Variants in RARB observed in about 807,000 individuals in gnomAD.
RARB encodes the protein HBV-activated protein.
In RARB, 17 loss-of-function variants were observed where a neutral mutation model predicts 51.9. The observed-to-expected ratio is 0.33, with a 90% confidence interval of 0.22 to 0.49. The LOEUF is 0.49. Among genes scored for constraint, RARB ranks in the 20% least tolerant of loss-of-function variants. The pLI is 0.99. For missense variants in RARB, 369 were observed against 550.8 expected, an observed-to-expected ratio of 0.67 and a Z score of 3.30; for synonymous variants, 215 against 195.4, an observed-to-expected ratio of 1.10 and a Z score of -0.84.
At chr3:25,057,857 T>C (rs575897538) in intron 2 of RARB, among the ~76,000 whole-genome samples, 2 of 152,106 alleles carry the variant, frequency 1.3e-5, no homozygotes, top group South Asian at 2.1e-4. Flanking sequence ...AATAAAGTCT[T>C]CTAAAAGAGC....
intron 5 of RARB, among the ~76,000 whole-genome samples, chr3:25,226,075 T>C (rs1402090473): frequency 6.6e-6 from 1 of 152,214 alleles, no homozygotes; most frequent in East Asian, 1.9e-4. Flanking sequence ...AAACTGCCCA[T>C]ATAAAAATTC....
At chr3:24,982,398 C>A (rs561430740) in intron 2 of RARB, among the ~76,000 whole-genome samples, 5 of 152,200 alleles carry the variant, frequency 3.3e-5, no homozygotes, top group African/African-American at 1.2e-4. Flanking sequence ...AGAGTGGAAC[C>A]ACAGCTGGTT....
intron 2 of RARB, among the ~76,000 whole-genome samples, chr3:24,950,984 C>G (rs766398006): frequency 2.6e-5 from 4 of 152,120 alleles, no homozygotes; most frequent in African/African-American, 4.8e-5. Flanking sequence ...TGTCACCAAA[C>G]CCAGTTGCAG....
Position 25,197,751 on chromosome 3 carries a change from T to TA in RARB, c.178+23183dup, listed in dbSNP as rs533403699. On this transcript the variant is annotated intron_variant, in intron 5 of 11. Coordinates refer to the RARB transcript ENST00000383772. ...CAAAGAAATGAAATATCTCTACAAT[T>TA]AAAAAAATGGATGTAATAAGTTGAA... is the stretch of plus-strand genomic sequence containing the variant. 5.3e-5 allele frequency among the ~76,000 whole-genome samples: 8 copies of TA among 151,620 alleles called. No individual in the cohort carries two copies. In the South Asian group the frequency reaches 8.4e-4, roughly 16 times the overall value.
At chr3:25,410,944 A>G (rs1707546268) in intron 5 of RARB, among the ~76,000 whole-genome samples, 2 of 152,370 alleles carry the variant, frequency 1.3e-5, no homozygotes, top group Admixed American at 6.5e-5. Context: ...TAAGAAGTCT[A>G]GGAAGTTAAA....
intron 2 of RARB, among the ~76,000 whole-genome samples, chr3:25,042,035 G>A (rs935344019): frequency 2.0e-5 from 3 of 152,166 alleles, no homozygotes; most frequent in South Asian, 2.1e-4. Flanking sequence ...TAATAACATC[G>A]GGAGTGGAAG....
chr3:25,335,807 T>A (rs1159775303), intron 5 of RARB, among the ~76,000 whole-genome samples: 1 of 152,210 alleles, frequency 6.6e-6, no homozygotes, highest in Non-Finnish European at 1.5e-5. Flanking sequence ...CTTGTACTGA[T>A]ATTTTGTCAC....
At chr3:25,346,263 G>C (rs12496365) in intron 5 of RARB, among the ~76,000 whole-genome samples, 28,244 of 152,062 alleles carry the variant, frequency 0.19, 3,363 homozygotes, top group Admixed American at 0.31. Flanking sequence ...ACATCCTCTA[G>C]CTTGGTTGCC....
At chr3:25,219,069 T>A (rs1199053317) in intron 5 of RARB, among the ~76,000 whole-genome samples, 2 of 152,208 alleles carry the variant, frequency 1.3e-5, no homozygotes, top group Non-Finnish European at 2.9e-5. Flanking sequence ...TATAAGTATT[T>A]ATTTAGCATC....
intron 1 of RARB, among the ~76,000 whole-genome samples, chr3:25,432,150 A>G (rs2125517073): frequency 6.6e-6 from 1 of 152,316 alleles, no homozygotes; most frequent in Admixed American, 6.5e-5. Flanking sequence ...GAGTACAGGC[A>G]GGGTTGTGGG....
intron 5 of RARB, among the ~76,000 whole-genome samples, chr3:25,375,291 C>G (rs1415894335): frequency 6.6e-6 from 1 of 152,178 alleles, no homozygotes; most frequent in African/African-American, 2.4e-5. Context: ...CACCCTGTCA[C>G]TAGGGCTGAA....
intron 2 of RARB, among the ~76,000 whole-genome samples, chr3:25,040,390 T>G (rs9866836): frequency 0.17 from 25,162 of 152,098 alleles, 2,218 homozygotes; most frequent in South Asian, 0.31. Context: ...TATGGTTTCT[T>G]TTACATTATG....
intron 5 of RARB, among the ~76,000 whole-genome samples, chr3:25,220,638 C>A (rs1000046103): frequency 3.9e-5 from 6 of 152,176 alleles, no homozygotes; most frequent in Non-Finnish European, 7.4e-5. Context: ...TGCATTCATT[C>A]TTTCACCTGC....
intron 1 of RARB, among the ~76,000 whole-genome samples, chr3:25,436,144 T>A (rs568926178): frequency 6.6e-6 from 1 of 152,350 alleles, no homozygotes; most frequent in East Asian, 1.9e-4. Flanking sequence ...TGAGCACCTT[T>A]CTTTCGCTCT....
chr3:25,147,733 A>T (rs1700217556), intron 4 of RARB, among the ~76,000 whole-genome samples: 1 of 152,228 alleles, frequency 6.6e-6, no homozygotes, highest in Non-Finnish European at 1.5e-5. Context: ...TCTACTGAAG[A>T]AGCTAGAAAA....
At chr3:25,430,677 C>G (rs896205048) in intron 1 of RARB, among the ~76,000 whole-genome samples, 1 of 152,044 alleles carries the variant, frequency 6.6e-6, no homozygotes, top group Non-Finnish European at 1.5e-5. Context: ...TAAAACTACC[C>G]GATAAGCAAG....
intron 2 of RARB, among the ~76,000 whole-genome samples, chr3:24,978,305 T>A (rs1053290023): frequency 2.0e-5 from 3 of 152,154 alleles, no homozygotes; most frequent in Non-Finnish European, 4.4e-5. Context: ...TTTTCTGTTG[T>A]TTGGAATAGT....
chr3:25,379,042 A>G (rs1195375589), intron 5 of RARB, among the ~76,000 whole-genome samples: 4 of 152,246 alleles, frequency 2.6e-5, no homozygotes, highest in African/African-American at 7.2e-5. Flanking sequence ...ACTCGGCAAC[A>G]GCCAGCTTCT....
intron 1 of RARB, among the ~76,000 whole-genome samples, chr3:24,840,379 G>T (rs1459434143): frequency 6.6e-6 from 1 of 152,160 alleles, no homozygotes; most frequent in Admixed American, 6.5e-5. Context: ...ATCCTCCATT[G>T]CTTCTCTGTC....
Sources: allele counts gnomAD v4.1 joint callset (sites outside exome capture counted in the v4.1 genomes callset), GRCh38; gene constraint gnomAD v4.1.1; transcripts MANE v1.5; gene names NCBI Gene and HGNC (gene_info 2026-07-23, HGNC 2026-07-21).